KIAA1549L: variants seen among roughly 807,000 people sequenced by gnomAD.
The protein encoded by KIAA1549L is KIAA1549 like.
In KIAA1549L, 88 loss-of-function variants were observed where a neutral mutation model predicts 160.7. The ratio of observed to expected loss-of-function variants is 0.55; its 90% CI spans 0.46 to 0.65. The LOEUF is 0.65. Among genes scored for constraint, KIAA1549L ranks in the 30% least tolerant of loss-of-function variants. KIAA1549L has a pLI of 0.00. For synonymous variants in KIAA1549L, 950 were observed against 976.7 expected, an observed-to-expected ratio of 0.97 and a Z score of 0.51; for missense variants, 2,258 against 2,437.5, an observed-to-expected ratio of 0.93 and a Z score of 1.55.
intron 14 of KIAA1549L, among the ~76,000 whole-genome samples, chr11:33,607,438 C>T (rs1383036555): frequency 2.0e-5 from 3 of 152,072 alleles, no homozygotes; most frequent in African/African-American, 7.2e-5. Flanking sequence ...TAGATAGATG[C>T]CAGAAGTTAG....
chr11:33,574,757 A>T lies in KIAA1549L; in HGVS notation c.4286A>T (p.Tyr1429Phe). ...AAGGACCCAGCGGAGCTGACTTACT[A>T]TACCCTGTACAACGGGAAGCCTTTG... is the stretch of plus-strand genomic sequence containing the variant. ...GPKDPAELTYYTLYNGKPLLG... is the reference protein window; with the variant it reads ...GPKDPAELTYFTLYNGKPLLG... Residue 1429 changes from tyrosine to phenylalanine, a missense_variant, in exon 10 of 21, where the codon TAT becomes TTT. Tyr to Phe is a conservative substitution (Grantham distance 22). Around this residue, in one of 6 missense-constraint regions of KIAA1549L, gnomAD observed 1,359 missense variants for 1,546.6 expected, o/e 0.88. Transcript: ENST00000658780. 1 of 1,613,992 alleles carries T rather than the reference A, an allele frequency of 6.2e-7. No individual in the cohort carries two copies. The highest frequency in any genetic ancestry group is 8.5e-7 in the Non-Finnish European group (1 of 1,179,862).
rs572642569 is a variant in KIAA1549L at position 33,568,145 on chromosome 11, G to A, written c.4148G>A (p.Arg1383His). The change falls in exon 9 of 21, where the codon CGC (arginine) becomes CAC (histidine). Residue 1383 changes from arginine to histidine, a missense_variant. This residue lies in a region of KIAA1549L where 1,359 missense variants were observed against 1,546.6 expected (regional missense o/e 0.88). Transcript: ENST00000658780. ...AGCTTTGCCCGGGTCATGGAGCAGC[G>A]CCTGGCCCAGCTATTCATGATGTCC... ...NQSFARVMEQ[R>H]LAQLFMMSQQ... 4.3e-6 allele frequency: 7 copies of A among 1,613,164 alleles called. No individual in the cohort carries two copies. Among genetic ancestry groups the A allele is most frequent in the East Asian group, 4.5e-5 (2 of 44,826 alleles).
chr11:33,549,389 A>T (rs1854377656), intron 4 of KIAA1549L, among the ~76,000 whole-genome samples: 1 of 152,224 alleles, frequency 6.6e-6, no homozygotes, highest in Non-Finnish European at 1.5e-5. Context: ...AGGAATTAGC[A>T]AGGGTTAGAG....
intron 1 of KIAA1549L, among the ~76,000 whole-genome samples, chr11:33,440,181 G>C (rs1324487598): frequency 7.7e-6 from 1 of 129,042 alleles, no homozygotes; most frequent in African/African-American, 2.8e-5. Flanking sequence ...CCAGGCTGGA[G>C]TGCAGTGGCG....
At chr11:33,470,956 A>G (rs1045249579) in intron 1 of KIAA1549L, among the ~76,000 whole-genome samples, 2 of 152,052 alleles carry the variant, frequency 1.3e-5, no homozygotes, top group African/African-American at 4.8e-5. Context: ...CTACAGTGTG[A>G]TTTAGTGATT....
At chr11:33,377,890 G>C (rs752005049) in intron 1 of KIAA1549L, among the ~76,000 whole-genome samples, 1 of 152,202 alleles carries the variant, frequency 6.6e-6, no homozygotes, top group Non-Finnish European at 1.5e-5. Context: ...GTCTTCAGCA[G>C]CTTAATTCAG....
intron 1 of KIAA1549L, among the ~76,000 whole-genome samples, chr11:33,470,842 T>C (rs987148562): frequency 6.6e-6 from 1 of 152,368 alleles, no homozygotes; most frequent in East Asian, 1.9e-4. Context: ...TTTTGGTTAT[T>C]CTGTGTCCTT....
At chr11:33,658,002 T>G (rs1450249397) in intron 18 of KIAA1549L, among the ~76,000 whole-genome samples, 1 of 152,084 alleles carries the variant, frequency 6.6e-6, no homozygotes, top group Admixed American at 6.5e-5. Context: ...AGTCCCTCTG[T>G]GAAACTGCCT....
At chr11:33,649,633 C>CT (rs543308610) in intron 17 of KIAA1549L, among the ~76,000 whole-genome samples, 15 of 151,180 alleles carry the variant, frequency 9.9e-5, no homozygotes, top group African/African-American at 2.9e-4. Flanking sequence ...ATTTTATGGT[C>CT]TTTTTTTCCT....
chr11:33,621,940 G>A (rs1174078257), intron 16 of KIAA1549L, among the ~76,000 whole-genome samples: 1 of 152,224 alleles, frequency 6.6e-6, no homozygotes, highest in Non-Finnish European at 1.5e-5. Context: ...CTTTGAAAAT[G>A]AATGAAGTAG....
chr11:33,414,416 A>G lies in KIAA1549L; in HGVS notation c.238+37527A>G, dbSNP rs993639192. Among the ~76,000 whole-genome samples the G allele has an allele frequency of 1.1e-4, 17 of 152,132 alleles. 1 individual carries two copies. Among genetic ancestry groups the G allele is most frequent in the Non-Finnish European group, 2.9e-5 (2 of 68,012 alleles). ...CACTTAACCTTCTTTCTAGTGATGGATTTATAGGTGACTTCTGTTTTCCCC... is the reference window on the plus strand; with the variant it reads ...CACTTAACCTTCTTTCTAGTGATGGGTTTATAGGTGACTTCTGTTTTCCCC... On this transcript the variant is annotated intron_variant, in intron 1 of 20. Coordinates refer to ENST00000658780, the MANE Select transcript of KIAA1549L (RefSeq NM_012194.3).
intron 16 of KIAA1549L, among the ~76,000 whole-genome samples, chr11:33,643,424 A>G (rs1382853450): frequency 2.0e-5 from 3 of 152,146 alleles, no homozygotes; most frequent in Admixed American, 6.5e-5. Flanking sequence ...AGGCACAACT[A>G]TAAATTCATG....
At chr11:33,596,651 A>G (rs1433869720) in intron 12 of KIAA1549L, among the ~76,000 whole-genome samples, 2 of 152,214 alleles carry the variant, frequency 1.3e-5, no homozygotes, top group African/African-American at 4.8e-5. Flanking sequence ...AGGCAGGAGA[A>G]TCACTCGAAC....
At position 33,577,947 on chromosome 11, in the gene KIAA1549L, C is replaced by T. The variant is rs78514335; in HGVS notation, c.4402+3074C>T. Among the ~76,000 whole-genome samples the T allele has an allele frequency of 9.5e-3, 1,451 of 152,274 alleles. 14 individuals carry two copies. Among genetic ancestry groups the T allele is most frequent in the African/African-American group, 0.031 (1,307 of 41,544 alleles). On this transcript the variant is annotated intron_variant, in intron 10 of 20. Transcript: ENST00000658780. ...TGTTCCGGCCATCTGCCACTTTGGC[C>T]TGTCAGTTCCATGACAGTTCTATGA...
intron 1 of KIAA1549L, among the ~76,000 whole-genome samples, chr11:33,435,794 A>ATATATATGTGTGTGTGTGTGTG (rs1851351840): frequency 6.2e-5 from 2 of 32,356 alleles, no homozygotes; most frequent in African/African-American, 4.4e-4. Context: ...ATATATATAT[A>ATATATATGTGTGTGTGTGTGTG]TATATATATA....
intron 1 of KIAA1549L, among the ~76,000 whole-genome samples, chr11:33,437,495 G>A (rs1019599173): frequency 6.6e-5 from 10 of 152,184 alleles, no homozygotes; most frequent in African/African-American, 2.2e-4. Context: ...TTGAATCTTG[G>A]CTCTGCCACT....
rs138991723 is a variant in KIAA1549L at position 33,429,368 on chromosome 11, C to T, written c.238+52479C>T. Reference sequence around the variant, plus strand: ...TTCACATTTCTGCCCATTTAAAAATCGGGTTGCTTGTCTTTTTGTTCTTGA... The same window carrying T: ...TTCACATTTCTGCCCATTTAAAAATTGGGTTGCTTGTCTTTTTGTTCTTGA... On this transcript the variant is annotated intron_variant, in intron 1 of 20. Coordinates refer to ENST00000658780, the MANE Select transcript of KIAA1549L (RefSeq NM_012194.3). 3.4e-3 allele frequency among the ~76,000 whole-genome samples: 523 copies of T among 152,288 alleles called. 2 individuals are homozygous for T. Among genetic ancestry groups the T allele is most frequent in the African/African-American group, 0.011 (473 of 41,550 alleles).
At chr11:33,405,971 A>G (rs1050588843) in intron 1 of KIAA1549L, among the ~76,000 whole-genome samples, 1 of 151,802 alleles carries the variant, frequency 6.6e-6, no homozygotes, top group African/African-American at 2.4e-5. Flanking sequence ...CTGGTCTACT[A>G]TAGGAAGGTT....
Position 33,477,147 on chromosome 11 carries a change from A to C in KIAA1549L, c.239-64655A>C, listed in dbSNP as rs112447761. ...GAAGGTTGTTATTCAGTAGTAGCAG[A>C]GCTGTGTCAGTTAAGAATAGAGCTA... On this transcript the variant is annotated intron_variant, in intron 1 of 20. Coordinates refer to ENST00000658780, the MANE Select transcript of KIAA1549L (RefSeq NM_012194.3). Among the ~76,000 whole-genome samples, 2 of 152,244 alleles carry C rather than the reference A, an allele frequency of 1.3e-5. 1 individual carries two copies. Among genetic ancestry groups the C allele is most frequent in the African/African-American group, 4.8e-5 (2 of 41,542 alleles).
Sources: gnomAD v4.1 joint callset for allele counts (sites outside exome capture counted in the v4.1 genomes callset) on GRCh38, gnomAD v4.1.1 for gene constraint, gnomAD v4.1.1 regional missense constraint, MANE v1.5 for transcripts, NCBI Gene and HGNC (gene_info 2026-07-23, HGNC 2026-07-21) for gene names.